The following RFX8 variants were observed in gnomAD, a reference collection of about 807,000 sequenced individuals.
The protein encoded by RFX8 is regulatory factor X8.
In RFX8, 46 loss-of-function variants were observed where a neutral mutation model predicts 54.6. The ratio of observed to expected loss-of-function variants is 0.84; its 90% CI spans 0.67 to 1.08. The LOEUF (loss-of-function observed/expected upper bound fraction) is 1.08. RFX8 is among the 50% of genes least tolerant of loss of function. The pLI is 0.00. For missense variants in RFX8, 536 were observed against 562.3 expected (o/e 0.95, Z 0.47); for synonymous variants, 192 against 209.5 (o/e 0.92, Z 0.72).
intron 2 of RFX8, among the ~76,000 whole-genome samples, chr2:101,449,348 C>A (rs1002782781): frequency 1.3e-5 from 2 of 151,952 alleles, no homozygotes; most frequent in Non-Finnish European, 1.5e-5. Context: ...GTGTTTAGAG[C>A]AGGGAGAGGC....
intron 2 of RFX8, among the ~76,000 whole-genome samples, chr2:101,461,262 C>CAAAAAAAAAAAAAAAAAAAAAAA (rs11350961): frequency 1.1e-5 from 1 of 89,910 alleles, no homozygotes; most frequent in Non-Finnish European, 2.1e-5. Context: ...GACTCCATCT[C>CAAAAAAAAAAAAAAAAAAAAAAA]AAAAAAAAAA....
Position 101,409,229 on chromosome 2 carries a change from T to C in RFX8, c.813+1390A>G, listed in dbSNP as rs191854734. Among the ~76,000 whole-genome samples, 72 of 152,262 alleles carry C rather than the reference T, an allele frequency of 4.7e-4. 1 individual carries two copies. In the East Asian group the frequency reaches 0.012, roughly 26 times the overall value. ...CTCTAGGTGTTTTTGTTTGTTTGTTTGTTTGTTTTTTGAGACAGAGTGTTG... is the reference window on the plus strand; with the variant it reads ...CTCTAGGTGTTTTTGTTTGTTTGTTCGTTTGTTTTTTGAGACAGAGTGTTG... On this transcript the variant is annotated intron_variant, in intron 9 of 11. Transcript: ENST00000428343.
At chr2:101,457,848 C>G (rs996662353) in intron 2 of RFX8, among the ~76,000 whole-genome samples, 2 of 152,148 alleles carry the variant, frequency 1.3e-5, no homozygotes, top group African/African-American at 4.8e-5. Context: ...GAGTCTAAGT[C>G]TCTTTGTAGG....
chr2:101,466,954 A>C, intron 1 of RFX8, 54 bp from the exon 2 acceptor site: 2 of 764,948 alleles, frequency 2.6e-6, no homozygotes, highest in Non-Finnish European at 4.5e-6. Context: ...TTCTAGAGCA[A>C]AATATTTTGA....
At chr2:101,408,495 CA>C (rs552116470) in intron 9 of RFX8, among the ~76,000 whole-genome samples, 4 of 145,544 alleles carry the variant, frequency 2.7e-5, no homozygotes, top group African/African-American at 1.0e-4. Context: ...AAAAAAAAAA[CA>C]AAAAAAACGC....
At chr2:101,439,722 T>A (rs1233124987) in intron 2 of RFX8, among the ~76,000 whole-genome samples, 2 of 152,060 alleles carry the variant, frequency 1.3e-5, no homozygotes, top group African/African-American at 2.4e-5. Context: ...GTAGATTTTT[T>A]TTTTTTTGAG....
At chr2:101,407,886 T>G (rs2104532838) in intron 9 of RFX8, among the ~76,000 whole-genome samples, 1 of 152,302 alleles carries the variant, frequency 6.6e-6, no homozygotes, top group East Asian at 1.9e-4. Context: ...CGAACTGCCC[T>G]CTGCTCGCTG....
rs1404889449 is a variant in RFX8 at position 101,397,607 on chromosome 2, A to G, written c.1363T>C (p.Ser455Pro). 1 of 1,551,080 alleles carries G rather than the reference A, an allele frequency of 6.4e-7. No individual in the cohort carries two copies. Among genetic ancestry groups the G allele is most frequent in the Admixed American group, 2.0e-5 (1 of 50,924 alleles). ...KDGQQFVIQI[S>P]DVPQSSEDIY... Reference sequence around the variant, plus strand: ...TCTTCAGAGCTTTGGGGTACATCTGATATCTGAATCACAAATTGTTGTCCA... The same window carrying G: ...TCTTCAGAGCTTTGGGGTACATCTGGTATCTGAATCACAAATTGTTGTCCA... Residue 455 changes from serine (S) to proline (P), a missense_variant, in exon 12 of 12, where the codon TCA becomes CCA. Ser to Pro is a moderately conservative substitution (Grantham distance 74). Transcript: ENST00000428343.
At chr2:101,449,727 C>G (rs1185234748) in intron 2 of RFX8, among the ~76,000 whole-genome samples, 3 of 151,964 alleles carry the variant, frequency 2.0e-5, no homozygotes, top group Non-Finnish European at 1.5e-5. Context: ...GAGAAGGATT[C>G]AGGAGTCATC....
At chr2:101,433,889 T>G (rs554225855) in intron 2 of RFX8, among the ~76,000 whole-genome samples, 4 of 152,374 alleles carry the variant, frequency 2.6e-5, no homozygotes, top group African/African-American at 7.2e-5. Context: ...TAAGAGAAGA[T>G]ATCTTTGACT....
intron 2 of RFX8, among the ~76,000 whole-genome samples, chr2:101,432,907 G>A (rs778410174): frequency 1.3e-5 from 2 of 152,300 alleles, no homozygotes; most frequent in Non-Finnish European, 2.9e-5. Flanking sequence ...ACTCCCAGGC[G>A]AGTCCGTCCT....
intron 4 of RFX8, among the ~76,000 whole-genome samples, chr2:101,420,017 C>T (rs1322647908): frequency 6.6e-6 from 1 of 152,172 alleles, no homozygotes; most frequent in African/African-American, 2.4e-5. Context: ...CTCTAACCTG[C>T]CCTGTTTATC....
intron 8 of RFX8, among the ~76,000 whole-genome samples, chr2:101,411,398 C>T (rs866006706): frequency 1.3e-5 from 2 of 152,290 alleles, no homozygotes; most frequent in Middle Eastern, 3.4e-3. Flanking sequence ...TCTGCTATCT[C>T]CCTGCAGAAC....
At chr2:101,410,391 T>TCTCACA (rs878949936) in intron 9 of RFX8, among the ~76,000 whole-genome samples, 1 of 119,508 alleles carries the variant, frequency 8.4e-6, no homozygotes, top group South Asian at 2.7e-4. Context: ...ATGCCCACAC[T>TCTCACA]CACACACACA....
intron 2 of RFX8, among the ~76,000 whole-genome samples, chr2:101,454,297 T>C (rs751245424): frequency 5.3e-5 from 8 of 152,218 alleles, no homozygotes; most frequent in Non-Finnish European, 1.0e-4. Flanking sequence ...AGTCTATCAT[T>C]GATGGTCATA....
At chr2:101,405,863 T>G (rs892207244) in intron 10 of RFX8, 80 bp downstream of exon 10, 21 of 819,074 alleles carry the variant, frequency 2.6e-5, no homozygotes, top group Admixed American at 9.2e-5. Context: ...GGATTCTACA[T>G]AGCAATACGC....
intron 2 of RFX8, among the ~76,000 whole-genome samples, chr2:101,434,585 A>G (rs1355358171): frequency 6.6e-6 from 1 of 152,162 alleles, no homozygotes; most frequent in African/African-American, 2.4e-5. Flanking sequence ...TCTGTTGGAG[A>G]TGGGCAAGTG....
At chr2:101,402,866 CA>C in intron 10 of RFX8, 114 bp from the exon 11 acceptor site, 2 of 943,172 alleles carry the variant, frequency 2.1e-6, no homozygotes. Flanking sequence ...AGCCTCGTTC[CA>C]ATAGCTTACC....
At chr2:101,438,352 T>C (rs1449261187) in intron 2 of RFX8, among the ~76,000 whole-genome samples, 1 of 152,256 alleles carries the variant, frequency 6.6e-6, no homozygotes, top group Non-Finnish European at 1.5e-5. Flanking sequence ...TGTGTATATG[T>C]ACCACATTTT....
Sources: gnomAD v4.1 joint callset for allele counts (sites outside exome capture counted in the v4.1 genomes callset) on GRCh38, gnomAD v4.1.1 for gene constraint, MANE v1.5 for transcripts, NCBI Gene and HGNC (gene_info 2026-07-23, HGNC 2026-07-21) for gene names.